The following OR8D4 variants were observed in gnomAD, a reference collection of about 807,000 sequenced individuals.
OR8D4 encodes the protein olfactory receptor family 8 subfamily D member 4.
For synonymous variants in OR8D4, 141 were observed against 134.8 expected (o/e 1.05, Z -0.32); for missense variants, 359 against 372.6 (o/e 0.96, Z 0.30).
intron 1 of OR8D4, among the ~76,000 whole-genome samples, chr11:123,904,591 C>G (rs548505095): frequency 6.6e-6 from 1 of 152,296 alleles, no homozygotes; most frequent in South Asian, 2.1e-4. Context: ...TGGACACTCA[C>G]TTTTGCACGT....
At chr11:123,903,395 T>C (rs775718037) in intron 1 of OR8D4, among the ~76,000 whole-genome samples, 10 of 152,060 alleles carry the variant, frequency 6.6e-5, no homozygotes, top group Non-Finnish European at 1.3e-4. Context: ...CTAGGATGTT[T>C]TAAATTGCCC....
chr11:123,903,463 A>G (rs34366557), intron 1 of OR8D4, among the ~76,000 whole-genome samples: 1,960 of 152,254 alleles, frequency 0.013, 31 homozygotes, highest in East Asian at 0.038. Flanking sequence ...CCTTTGCAAA[A>G]TACTTTCAAT....
At chr11:123,903,737 C>A (rs1863178934) in intron 1 of OR8D4, among the ~76,000 whole-genome samples, 1 of 152,066 alleles carries the variant, frequency 6.6e-6, no homozygotes, top group Non-Finnish European at 1.5e-5. Flanking sequence ...AATTTTTCTT[C>A]CTACAAATGC....
rs750194266 is a variant in OR8D4, at chr11:123,906,971, C to A, written c.540C>A (p.Asp180Glu). The part of the protein sequence containing the change: ...GSNIIKHYFC[D>E]IVPLIKLSCS... ...ACATCATTAAACATTATTTCTGTGA[C>A]ATTGTCCCTCTTATTAAACTCTCCT... is the stretch of plus-strand genomic sequence containing the variant. Residue 180 changes from aspartate to glutamate, a missense_variant, in exon 2 of 2, where the codon GAC (aspartate) becomes GAA (glutamate). Coordinates refer to ENST00000641687, the MANE Select transcript of OR8D4 (RefSeq NM_001005197.2). The A allele has an allele frequency of 1.9e-6, 3 of 1,613,938 alleles. No individual in the cohort carries two copies. Among genetic ancestry groups the A allele is most frequent in the African/African-American group, 1.3e-5 (1 of 74,918 alleles).
chr11:123,906,892 C>G lies in OR8D4; in HGVS notation c.461C>G (p.Thr154Ser). Residue 154 changes from threonine (T) to serine (S), a missense_variant, in exon 2 of 2, where the codon ACT (threonine) becomes AGT (serine). Thr to Ser is a moderately conservative substitution (Grantham distance 58). Transcript: ENST00000641687. ...LVAAVFSVGF[T>S]DAVIHGGCIL... is the part of the protein sequence containing the mutation. ...GCTGCTGTCTTCTCAGTAGGTTTCA[C>G]TGATGCTGTGATCCATGGAGGTTGT... is the stretch of plus-strand genomic sequence containing the variant. The G allele has an allele frequency of 6.2e-7, 1 of 1,614,046 alleles. No individual in the cohort carries two copies. Among genetic ancestry groups the G allele is most frequent in the Non-Finnish European group, 8.5e-7 (1 of 1,179,954 alleles).
intron 1 of OR8D4, among the ~76,000 whole-genome samples, chr11:123,903,769 G>A (rs10750247): frequency 0.73 from 111,311 of 151,498 alleles, 41,217 homozygotes; most frequent in African/African-American, 0.81. Flanking sequence ...ACAATTTGTT[G>A]CAATAATCTA....
intron 1 of OR8D4, 44 bp from the exon 2 acceptor site, chr11:123,906,373 A>G (rs1863198200): frequency 8.3e-7 from 1 of 1,199,294 alleles, no homozygotes; most frequent in African/African-American, 1.5e-5. Context: ...TTCTATAGAA[A>G]CAAACACTGA....
In OR8D4 at chr11:123,906,835, T is replaced by C. The variant is rs1863205875; in HGVS notation, c.404T>C (p.Ile135Thr). 6 of 1,614,000 alleles carry C rather than the reference T, an allele frequency of 3.7e-6. No individual in the cohort carries two copies. The East Asian group carries it at 6.7e-5, about 18-fold the overall frequency. ...AICSPLLYRV[I>T]MSPRVCSLLV... ...TGCAGCCCACTGCTCTACAGGGTCA[T>C]CATGTCCCCTAGGGTCTGTTCTCTG... The change falls in exon 2 of 2, where the codon ATC becomes ACC. Residue 135 changes from isoleucine (I) to threonine (T), a missense_variant. By Grantham distance (89) the Ile-to-Thr change is moderately conservative. Transcript: ENST00000641687.
At position 123,906,410 on chromosome 11, in the gene OR8D4, T is replaced by G. The variant is rs1863198567; in HGVS notation, c.-15-7T>G. 3 of 1,491,542 alleles carry G rather than the reference T, an allele frequency of 2.0e-6. No homozygotes were observed. In the East Asian group the frequency reaches 6.8e-5, roughly 34 times the overall value. 92.4% of individuals were successfully genotyped at this position (1,491,542 alleles called of 1,614,324 possible). ...AGAATTTGACTTTTTCTCTCTCATC[T>G]CCACAGATTTCTCAGAGAAGAATGG... is the stretch of plus-strand genomic sequence containing the variant. On this transcript the variant is annotated splice_region_variant and splice_polypyrimidine_tract_variant and intron_variant, in intron 1 of 1. Transcript: ENST00000641687.
intron 1 of OR8D4, chr11:123,906,170 ACT>A (rs1388043510): frequency 5.2e-6 from 2 of 384,898 alleles, no homozygotes; most frequent in Non-Finnish European, 9.2e-6. Context: ...TTTGTCTCTA[ACT>A]CTGGAGTAAA....
At chr11:123,902,703 G>T (rs2137490329) in intron 1 of OR8D4, among the ~76,000 whole-genome samples, 1 of 152,126 alleles carries the variant, frequency 6.6e-6, no homozygotes, top group East Asian at 1.9e-4. Flanking sequence ...CAGGGTTCAT[G>T]GTCTTTCTGT....
At chr11:123,904,042 A>G (rs1863181268) in intron 1 of OR8D4, among the ~76,000 whole-genome samples, 2 of 152,144 alleles carry the variant, frequency 1.3e-5, no homozygotes, top group Admixed American at 1.3e-4. Context: ...CTCAAATGTT[A>G]ATGCACTCAC....
intron 1 of OR8D4, among the ~76,000 whole-genome samples, chr11:123,902,777 A>G (rs1475365651): frequency 6.6e-6 from 1 of 152,122 alleles, no homozygotes; most frequent in East Asian, 1.9e-4. Context: ...GATTTAGGGA[A>G]AAAGATCACA....
chr11:123,903,677 A>G (rs1203112680), intron 1 of OR8D4, among the ~76,000 whole-genome samples: 1 of 152,144 alleles, frequency 6.6e-6, no homozygotes, highest in African/African-American at 2.4e-5. Context: ...AATAAAGTAG[A>G]TGCTGGTTAT....
In OR8D4 at chr11:123,902,807, A is replaced by G. The variant is rs1163780464; in HGVS notation, c.-16+550A>G. On this transcript the variant is annotated intron_variant, in intron 1 of 1. Transcript: ENST00000641687. ...ATCACATTCTAGACTTCTGTTGTCC[A>G]GTAATATAGCCACTAGCCATAGGTG... Among the ~76,000 whole-genome samples, 5 of 151,252 alleles carry G rather than the reference A, an allele frequency of 3.3e-5. No homozygotes were observed. The East Asian group carries it at 9.6e-4, about 29-fold the overall frequency.
chr11:123,906,539 A>G lies in OR8D4; in HGVS notation c.108A>G (p.Thr36=). The change falls in exon 2 of 2, where the codon ACA becomes ACG. Residue 36 remains threonine, a synonymous_variant. Transcript: ENST00000641687. The stretch of plus-strand genomic sequence containing the variant: ...TCTGCCTCTTCTTAGGAATTTACAC[A>G]GTTACTGTGGTGGGAAACCTCAGCA... ...PLFCLFLGIY[T]VTVVGNLSMI... is the part of the protein sequence containing the mutation. The G allele has an allele frequency of 6.2e-7, 1 of 1,613,864 alleles. No individual in the cohort carries two copies. Among genetic ancestry groups the G allele is most frequent in the East Asian group, 2.2e-5 (1 of 44,842 alleles).
At chr11:123,905,823 A>G (rs1274384969) in intron 1 of OR8D4, among the ~76,000 whole-genome samples, 1 of 152,186 alleles carries the variant, frequency 6.6e-6, no homozygotes. Context: ...TTCATGGCCC[A>G]GGACACACAG....
chr11:123,906,673 T>C lies in OR8D4; in HGVS notation c.242T>C (p.Met81Thr), dbSNP rs1863202571. Residue 81 changes from methionine to threonine, a missense_variant, in exon 2 of 2, where the codon ATG (methionine) becomes ACG (threonine). By Grantham distance (81) the Met-to-Thr change is moderately conservative. Transcript: ENST00000641687. ...TATTCTTCTGTCATTACCCCTAAAA[T>C]GCTATCAGGGTTTTTATGCAGAGAT... ...FCYSSVITPK[M>T]LSGFLCRDRS... The C allele has an allele frequency of 6.2e-7, 1 of 1,612,740 alleles. No individual in the cohort carries two copies. Among genetic ancestry groups the C allele is most frequent in the Non-Finnish European group, 8.5e-7 (1 of 1,178,682 alleles).
intron 1 of OR8D4, among the ~76,000 whole-genome samples, chr11:123,903,915 T>G (rs1863180330): frequency 6.6e-6 from 1 of 152,200 alleles, no homozygotes; most frequent in Non-Finnish European, 1.5e-5. Flanking sequence ...AAAGATGGGC[T>G]TTACATAATC....
Sources: allele counts gnomAD v4.1 joint callset (sites outside exome capture counted in the v4.1 genomes callset), GRCh38; gene constraint gnomAD v4.1.1; transcripts MANE v1.5; gene names NCBI Gene and HGNC (gene_info 2026-07-23, HGNC 2026-07-21).